PTPN12: variants seen among roughly 807,000 people sequenced by gnomAD.
PTPN12 encodes the protein protein tyrosine phosphatase non-receptor type 12.
A neutral mutation model predicts 97.6 loss-of-function variants in PTPN12; 29 were observed. The ratio of observed to expected loss-of-function variants is 0.30; its 90% CI spans 0.22 to 0.41. The LOEUF is 0.41. Among genes scored for constraint, PTPN12 ranks in the 10% least tolerant of loss-of-function variants. PTPN12 has a pLI of 1.00. For missense variants in PTPN12, 819 were observed against 926.0 expected (o/e 0.88, Z 1.50); for synonymous variants, 327 against 300.4 (o/e 1.09, Z -0.91).
At chr7:77,616,285 T>C (rs1346487750) in intron 11 of PTPN12, among the ~76,000 whole-genome samples, 1 of 152,192 alleles carries the variant, frequency 6.6e-6, no homozygotes, top group African/African-American at 2.4e-5. Context: ...TTCTCAACTA[T>C]AGCTTTTTTT....
At position 77,627,476 on chromosome 7, in the gene PTPN12, T is replaced by G; in HGVS notation, c.1797T>G (p.Asn599Lys). The G allele has an allele frequency of 6.2e-7, 1 of 1,613,840 alleles. No individual in the cohort carries two copies. The highest frequency in any genetic ancestry group is 1.3e-5 in the African/African-American group (1 of 75,054). The change falls in exon 13 of 18, where the codon AAT becomes AAG. Residue 599 changes from asparagine to lysine, a missense_variant. Asn to Lys is a moderately conservative substitution (Grantham distance 94). Coordinates refer to ENST00000248594, the MANE Select transcript of PTPN12 (RefSeq NM_002835.4). ...TCAGAACACCCCTCAGTTTTACTAATCCACTTCACTCTGATGACTCAGACT... is the reference window on the plus strand; with the variant it reads ...TCAGAACACCCCTCAGTTTTACTAAGCCACTTCACTCTGATGACTCAGACT... The part of the protein sequence containing the change: ...PLFRTPLSFT[N>K]PLHSDDSDSD...
chr7:77,598,059 G>T (rs1470414874), intron 7 of PTPN12, among the ~76,000 whole-genome samples, 158 bp downstream of exon 7: 1 of 151,844 alleles, frequency 6.6e-6, no homozygotes, highest in East Asian at 2.0e-4. Flanking sequence ...GAGATCTTGT[G>T]TCTACAAAAA....
intron 12 of PTPN12, among the ~76,000 whole-genome samples, chr7:77,623,648 A>C (rs1789025612): frequency 6.6e-6 from 1 of 152,192 alleles, no homozygotes; most frequent in Non-Finnish European, 1.5e-5. Flanking sequence ...GAGGCGGCGG[A>C]GGTTGCAGTA....
At chr7:77,625,560 T>G (rs1407323522) in intron 12 of PTPN12, among the ~76,000 whole-genome samples, 1 of 53,648 alleles carries the variant, frequency 1.9e-5, no homozygotes. Flanking sequence ...TCTCGCTCTC[T>G]CTCTCTTTTT....
At chr7:77,604,243 T>C (rs1788284460) in intron 8 of PTPN12, among the ~76,000 whole-genome samples, 1 of 93,518 alleles carries the variant, frequency 1.1e-5, no homozygotes, top group African/African-American at 4.3e-5. Flanking sequence ...TGAGACGGAG[T>C]CTTGGGCTGT....
chr7:77,552,080 T>C (rs1807502716), intron 1 of PTPN12, among the ~76,000 whole-genome samples: 1 of 152,230 alleles, frequency 6.6e-6, no homozygotes, highest in Non-Finnish European at 1.5e-5. Flanking sequence ...AGTAAAAAGT[T>C]TATTTTAAAA....
intron 2 of PTPN12, among the ~76,000 whole-genome samples, chr7:77,576,414 A>G (rs758654514): frequency 2.6e-5 from 4 of 152,002 alleles, no homozygotes; most frequent in South Asian, 2.1e-4. Context: ...AAGAGCACCA[A>G]TCTGGCAGGG....
chr7:77,623,871 A>G (rs1193900421), intron 12 of PTPN12, among the ~76,000 whole-genome samples: 2 of 152,208 alleles, frequency 1.3e-5, no homozygotes, highest in African/African-American at 4.8e-5. Context: ...AGGATAACCT[A>G]TTGGTCTTTG....
chr7:77,623,057 A>C (rs1329956570), intron 12 of PTPN12, among the ~76,000 whole-genome samples: 1 of 151,790 alleles, frequency 6.6e-6, no homozygotes, highest in African/African-American at 2.4e-5. Context: ...AAAGGGCATA[A>C]ATTTTTATAT....
rs1263982584 is a variant in PTPN12, at chr7:77,625,609, G to A, written c.1026-1096G>A. On this transcript the variant is annotated intron_variant, in intron 12 of 17. Transcript: ENST00000248594. ...TTTTTGGAGACAGTCTTGCTCTGTC[G>A]CCCAGACTGGAGTGCAGTGGCGTGA... Among the ~76,000 whole-genome samples the A allele has an allele frequency of 3.0e-5, 3 of 101,674 alleles. No individual in the cohort carries two copies. In the Admixed American group the frequency reaches 4.6e-4, roughly 16 times the overall value. The allele number at this position is 101,674 out of a possible 152,430, so 66.7% of individuals were successfully genotyped here. A position where few individuals can be genotyped will look rare whatever the true frequency, so the allele number is the denominator to read the frequency against.
intron 1 of PTPN12, among the ~76,000 whole-genome samples, chr7:77,557,599 G>T (rs1163611415): frequency 6.6e-6 from 1 of 151,960 alleles, no homozygotes. Flanking sequence ...GTACAGTTCT[G>T]TGGCATTAGA....
intron 1 of PTPN12, among the ~76,000 whole-genome samples, chr7:77,554,804 G>A (rs576595603): frequency 9.2e-5 from 14 of 152,070 alleles, no homozygotes; most frequent in East Asian, 1.9e-4. Context: ...CCTAGCCTCC[G>A]GAGTAGCAGA....
intron 5 of PTPN12, among the ~76,000 whole-genome samples, chr7:77,591,756 C>T (rs972890977): frequency 1.3e-5 from 2 of 152,144 alleles, no homozygotes; most frequent in Non-Finnish European, 2.9e-5. Flanking sequence ...ATATTCTTTC[C>T]ACTTCATCAC....
At position 77,573,843 on chromosome 7, in the gene PTPN12, C is replaced by A. The variant is rs556177084; in HGVS notation, c.208+2657C>A. Among the ~76,000 whole-genome samples the A allele has an allele frequency of 2.6e-5, 4 of 152,336 alleles. 1 individual carries two copies. Among genetic ancestry groups the A allele is most frequent in the African/African-American group, 9.6e-5 (4 of 41,570 alleles). ...TGGTGCGATCTCCGCACACTATAAC[C>A]TCTGCCTACCAGCTTCAAGCTATTT... On this transcript the variant is annotated intron_variant, in intron 2 of 17. Transcript: ENST00000248594.
intron 1 of PTPN12, among the ~76,000 whole-genome samples, chr7:77,551,896 T>G (rs1173591714): frequency 6.6e-6 from 1 of 152,158 alleles, no homozygotes; most frequent in Non-Finnish European, 1.5e-5. Flanking sequence ...CCATGCATAG[T>G]TTTTTCCATG....
intron 13 of PTPN12, 132 bp downstream of exon 13, chr7:77,627,807 G>T: frequency 1.2e-6 from 1 of 865,254 alleles, no homozygotes; most frequent in African/African-American, 1.7e-5. Flanking sequence ...ATCTGTCTTA[G>T]ATACTAATTT....
intron 12 of PTPN12, among the ~76,000 whole-genome samples, chr7:77,622,561 A>T (rs978213839): frequency 7.2e-5 from 11 of 152,076 alleles, no homozygotes; most frequent in African/African-American, 2.4e-4. Context: ...CAAGGTCAGG[A>T]GTTTGAGACC....
chr7:77,623,237 T>A (rs947825273), intron 12 of PTPN12, among the ~76,000 whole-genome samples: 7 of 152,224 alleles, frequency 4.6e-5, no homozygotes, highest in Non-Finnish European at 7.3e-5. Context: ...TGGAGTAAGT[T>A]TTTTTAAATT....
rs780319202 is a variant in PTPN12 at position 77,632,416 on chromosome 7, A to G, written c.2065A>G (p.Ser689Gly). The G allele has an allele frequency of 8.7e-6, 14 of 1,605,532 alleles. No individual in the cohort carries two copies. Among genetic ancestry groups the G allele is most frequent in the Non-Finnish European group, 1.1e-5 (13 of 1,172,554 alleles). The stretch of plus-strand genomic sequence containing the variant: ...AACTCCTGAATCGTTTGTGTTAGCA[A>G]GTGAACATAGTGAGTGTCTCTTTTG... Reference protein sequence around the residue: ...ERTPESFVLASEHNTPVRSEW... With the variant: ...ERTPESFVLAGEHNTPVRSEW... The change falls in exon 14 of 18, where the codon AGT (serine) becomes GGT (glycine). Residue 689 changes from serine (S) to glycine (G), a missense_variant. By Grantham distance (56) the Ser-to-Gly change is moderately conservative. Transcript: ENST00000248594.
Sources: allele counts gnomAD v4.1 joint callset (sites outside exome capture counted in the v4.1 genomes callset), GRCh38; gene constraint gnomAD v4.1.1; transcripts MANE v1.5; gene names NCBI Gene and HGNC (gene_info 2026-07-23, HGNC 2026-07-21).